The following PPP2R2B variants were observed in gnomAD, a reference collection of about 807,000 sequenced individuals.
PPP2R2B encodes the protein protein phosphatase 2 regulatory subunit Bbeta, also known as serine/threonine-protein phosphatase 2A 55 kDa regulatory subunit B beta isoform.
Under a neutral mutation model 46.0 loss-of-function variants are expected in PPP2R2B, and 5 were observed. The observed-to-expected ratio is 0.11, with a 90% CI of 0.06 to 0.23. The LOEUF (loss-of-function observed/expected upper bound fraction) is 0.23, where lower values mean the gene tolerates loss of function less well. Among genes scored for constraint, PPP2R2B ranks in the 10% least tolerant of loss-of-function variants. The pLI, the probability that PPP2R2B is intolerant of heterozygous loss-of-function variation, is 1.00. For synonymous variants in PPP2R2B, 215 were observed against 206.7 expected (o/e 1.04, Z -0.34); for missense variants, 367 against 575.0 (o/e 0.64, Z 3.70).
intron 2 of PPP2R2B, among the ~76,000 whole-genome samples, chr5:146,770,408 A>T (rs564010539): frequency 6.6e-6 from 1 of 150,982 alleles, no homozygotes; most frequent in South Asian, 2.1e-4. Context: ...CTAAAAAATT[A>T]TTGCAATTAA....
At chr5:146,875,766 A>AG (rs1382620868) in intron 2 of PPP2R2B, among the ~76,000 whole-genome samples, 1 of 152,208 alleles carries the variant, frequency 6.6e-6, no homozygotes, top group Non-Finnish European at 1.5e-5. Flanking sequence ...TAAGTTAATA[A>AG]GGGGGAAGAA....
At chr5:146,886,317 C>A (rs976093377) in intron 1 of PPP2R2B, among the ~76,000 whole-genome samples, 40 of 125,066 alleles carry the variant, frequency 3.2e-4, no homozygotes, top group Non-Finnish European at 4.4e-4. Context: ...CCAGCCCAGG[C>A]GACAGAACGA....
intron 2 of PPP2R2B, among the ~76,000 whole-genome samples, chr5:146,871,633 A>G (rs1243765452): frequency 1.3e-5 from 2 of 152,178 alleles, no homozygotes; most frequent in Non-Finnish European, 2.9e-5. Context: ...CTGTGCTAGG[A>G]GAAGATAGAT....
intron 1 of PPP2R2B, among the ~76,000 whole-genome samples, chr5:146,933,456 A>G (rs1017844777): frequency 2.0e-5 from 3 of 152,150 alleles, no homozygotes; most frequent in Non-Finnish European, 2.9e-5. Flanking sequence ...TCTCTCTCAG[A>G]TAAGTATTTT....
chr5:146,641,963 C>T (rs762238933), intron 6 of PPP2R2B, among the ~76,000 whole-genome samples: 5 of 152,128 alleles, frequency 3.3e-5, no homozygotes, highest in Admixed American at 6.5e-5. Context: ...TATACAACCC[C>T]GACAGCCAAC....
In PPP2R2B at chr5:146,584,784, G is replaced by C. The variant is rs1770056119; in HGVS notation, c.*5163C>G. The C allele has an allele frequency of 6.6e-6, 1 of 152,160 alleles. No homozygotes were observed. The highest frequency in any genetic ancestry group is 1.5e-5 in the Non-Finnish European group (1 of 68,034). The allele number at this position is 152,160 out of a possible 1,614,324, so 9.4% of individuals were successfully genotyped here. A position where few individuals can be genotyped will look rare whatever the true frequency, so the allele number is the denominator to read the frequency against. ...GGATGAACAAAAGGAAAAAGGGGTA[G>C]GCTAGTTCTAGTATGTCGAAAATGT... On this transcript the variant is annotated 3_prime_UTR_variant, in exon 10 of 10. Transcript: ENST00000394411.
At chr5:146,677,424 C>G (rs1777806679) in intron 5 of PPP2R2B, among the ~76,000 whole-genome samples, 1 of 151,986 alleles carries the variant, frequency 6.6e-6, no homozygotes, top group Admixed American at 6.6e-5. Context: ...ATGCCGTCAC[C>G]ATTTTTTTTT....
intron 1 of PPP2R2B, among the ~76,000 whole-genome samples, chr5:146,974,592 T>A (rs751734437): frequency 9.2e-5 from 14 of 152,222 alleles, no homozygotes; most frequent in Non-Finnish European, 1.6e-4. Context: ...GTTTTCAAGT[T>A]TAGCATAATC....
chr5:146,785,561 C>G (rs1755782598), intron 2 of PPP2R2B, among the ~76,000 whole-genome samples: 1 of 151,754 alleles, frequency 6.6e-6, no homozygotes, highest in African/African-American at 2.4e-5. Flanking sequence ...AACAAACAAA[C>G]AAAAAACAAA....
intron 1 of PPP2R2B, among the ~76,000 whole-genome samples, chr5:147,011,805 C>A (rs946884252): frequency 9.1e-5 from 13 of 142,520 alleles, no homozygotes; most frequent in African/African-American, 3.4e-4. Context: ...TGAATTTTGT[C>A]AAAGGCCTTT....
intron 7 of PPP2R2B, among the ~76,000 whole-genome samples, chr5:146,634,387 TGCAGTGGG>T (rs888474063): frequency 1.3e-5 from 2 of 152,050 alleles, no homozygotes; most frequent in African/African-American, 4.8e-5. Flanking sequence ...AAGGCTGGGG[TGCAGTGGG>T]GCAATCTCAG....
At chr5:146,975,844 G>A (rs918544399) in intron 1 of PPP2R2B, among the ~76,000 whole-genome samples, 1 of 152,056 alleles carries the variant, frequency 6.6e-6, no homozygotes, top group South Asian at 2.1e-4. Context: ...TTGTTGTTCA[G>A]TTGTAGGAGT....
exon 1 of PPP2R2B, chr5:147,081,283 C>A (rs920818985): frequency 1.3e-6 from 2 of 1,535,520 alleles, no homozygotes; most frequent in Admixed American, 2.0e-5. Flanking sequence ...AGAGAAGAGA[C>A]CCTAGTGAGT....
chr5:146,682,643 G>A (rs1778253223), intron 5 of PPP2R2B, among the ~76,000 whole-genome samples: 1 of 152,196 alleles, frequency 6.6e-6, no homozygotes, highest in African/African-American at 2.4e-5. Flanking sequence ...GATGGTACCT[G>A]CCTAGCAGAA....
intron 2 of PPP2R2B, among the ~76,000 whole-genome samples, chr5:146,711,834 G>C (rs1780227215): frequency 6.6e-6 from 1 of 152,166 alleles, no homozygotes; most frequent in Non-Finnish European, 1.5e-5. Flanking sequence ...TTGGGGAAAG[G>C]TTGTTCAAAG....
Position 146,619,840 on chromosome 5 carries a change from T to C in PPP2R2B, c.790+18411A>G, listed in dbSNP as rs1458418651. 2.6e-5 allele frequency among the ~76,000 whole-genome samples: 4 copies of C among 152,174 alleles called. No individual in the cohort carries two copies. In the East Asian group the frequency reaches 7.7e-4, roughly 29 times the overall value. ...GCTCACTGTCTTTTTCTAGAAAAAC[T>C]TCCTGGACAATCTTGGCCCACTGCA... On this transcript the variant is annotated intron_variant, in intron 7 of 9. Coordinates refer to ENST00000394411, the MANE Select transcript of PPP2R2B (RefSeq NM_181675.4).
At chr5:146,768,796 G>T (rs183290899) in intron 2 of PPP2R2B, among the ~76,000 whole-genome samples, 1 of 151,980 alleles carries the variant, frequency 6.6e-6, no homozygotes, top group Non-Finnish European at 1.5e-5. Flanking sequence ...ATTTGCTGTC[G>T]CATCTGCCTA....
chr5:147,035,435 C>T (rs971997018), intron 1 of PPP2R2B, among the ~76,000 whole-genome samples: 1 of 152,108 alleles, frequency 6.6e-6, no homozygotes, highest in Admixed American at 6.6e-5. Flanking sequence ...GGTGGGGACA[C>T]ACAGCCAAAC....
intron 2 of PPP2R2B, among the ~76,000 whole-genome samples, chr5:146,703,105 C>T (rs1561844896): frequency 6.6e-6 from 1 of 152,190 alleles, no homozygotes; most frequent in Non-Finnish European, 1.5e-5. Flanking sequence ...TCAGATTGCC[C>T]TGCTTGAAAG....
Sources: allele counts gnomAD v4.1 joint callset (sites outside exome capture counted in the v4.1 genomes callset), GRCh38; gene constraint gnomAD v4.1.1; transcripts MANE v1.5; gene names NCBI Gene and HGNC (gene_info 2026-07-23, HGNC 2026-07-21).